The following MGMT variants were observed in gnomAD, a reference collection of about 807,000 sequenced individuals.
MGMT encodes the protein methylated-DNA--protein-cysteine methyltransferase.
In MGMT, 14 loss-of-function variants were observed where a neutral mutation model predicts 15.9. The observed-to-expected ratio is 0.88, with a 90% CI of 0.58 to 1.37. The LOEUF (loss-of-function observed/expected upper bound fraction) is 1.37, where lower values mean the gene tolerates loss of function less well. Ranked by LOEUF, MGMT falls within the 40% of genes most tolerant of loss-of-function variation. The pLI is 0.00. For missense variants in MGMT, 282 were observed against 268.1 expected, an observed-to-expected ratio of 1.05 and a Z score of -0.36; for synonymous variants, 130 against 118.2, an observed-to-expected ratio of 1.10 and a Z score of -0.65.
intron 1 of MGMT, among the ~76,000 whole-genome samples, chr10:129,486,064 A>C (rs1406347206): frequency 6.6e-6 from 1 of 151,962 alleles, no homozygotes; most frequent in African/African-American, 2.4e-5. Flanking sequence ...TAGCCTTTTT[A>C]ATTTTTTTTT....
At chr10:129,574,920 A>C (rs760411001) in intron 2 of MGMT, among the ~76,000 whole-genome samples, 5 of 152,174 alleles carry the variant, frequency 3.3e-5, no homozygotes, top group Non-Finnish European at 7.3e-5. Context: ...ATCTATTAAG[A>C]GGCAGGCTGT....
In MGMT at chr10:129,719,460, T is replaced by G. The variant is rs117476458; in HGVS notation, c.274+11417T>G. Among the ~76,000 whole-genome samples, 32 of 152,268 alleles carry G rather than the reference T, an allele frequency of 2.1e-4. No homozygotes were observed. In the East Asian group the frequency reaches 6.0e-3, roughly 28 times the overall value. On this transcript the variant is annotated intron_variant, in intron 3 of 4. Coordinates refer to ENST00000651593, the MANE Select transcript of MGMT (RefSeq NM_002412.5). The stretch of plus-strand genomic sequence containing the variant: ...ACTGGGGTCTTATACAACAGAAATC[T>G]TTCTCAGCTCTGGAGCCTGGAAGTC...
chr10:129,647,235 G>A (rs775877551), intron 2 of MGMT, among the ~76,000 whole-genome samples: 1 of 152,120 alleles, frequency 6.6e-6, no homozygotes, highest in Non-Finnish European at 1.5e-5. Context: ...CCCGCCCAGC[G>A]TTACAGGCAG....
chr10:129,484,913 T>C (rs955411617), intron 1 of MGMT, among the ~76,000 whole-genome samples: 11 of 152,018 alleles, frequency 7.2e-5, no homozygotes, highest in Non-Finnish European at 1.3e-4. Flanking sequence ...TGTGTATATA[T>C]GTATGTGTGT....
intron 1 of MGMT, among the ~76,000 whole-genome samples, chr10:129,506,006 A>ATTTTT (rs71478939): frequency 6.6e-4 from 88 of 132,536 alleles, no homozygotes; most frequent in African/African-American, 2.3e-3. Context: ...TGCAGTTGCT[A>ATTTTT]TTTTTTTTTT....
chr10:129,704,610 T>C (rs962603538), intron 2 of MGMT, among the ~76,000 whole-genome samples: 1 of 152,084 alleles, frequency 6.6e-6, no homozygotes, highest in Admixed American at 6.5e-5. Context: ...TGGTCACAGT[T>C]ATCCGTGGCT....
At chr10:129,671,676 CTG>C (rs1847725332) in intron 2 of MGMT, among the ~76,000 whole-genome samples, 1 of 152,166 alleles carries the variant, frequency 6.6e-6, no homozygotes, top group Non-Finnish European at 1.5e-5. Flanking sequence ...TTGTGTGTAA[CTG>C]TTACATTTTG....
chr10:129,550,392 C>T (rs1443976432), intron 2 of MGMT, among the ~76,000 whole-genome samples: 2 of 151,712 alleles, frequency 1.3e-5, no homozygotes, highest in Middle Eastern at 3.4e-3. Context: ...GAATGTTTCA[C>T]AGTGTTCCGC....
chr10:129,584,474 A>C (rs1236591339), intron 2 of MGMT, among the ~76,000 whole-genome samples: 1 of 151,784 alleles, frequency 6.6e-6, no homozygotes, highest in Non-Finnish European at 1.5e-5. Flanking sequence ...CCTGAGATAC[A>C]TTTTACATAC....
chr10:129,487,914 T>G lies in MGMT; in HGVS notation c.-13+20618T>G, dbSNP rs1037652027. ...TGTGTATATATATACCATATAGGGG[T>G]GTGTGTGTGTGTGTGTGTGTGTATA... On this transcript the variant is annotated intron_variant, in intron 1 of 4. Coordinates refer to ENST00000651593, the MANE Select transcript of MGMT (RefSeq NM_002412.5). 3.3e-4 allele frequency among the ~76,000 whole-genome samples: 42 copies of G among 125,484 alleles called. 1 individual carries two copies. Among genetic ancestry groups the G allele is most frequent in the Admixed American group, 7.2e-4 (9 of 12,448 alleles). 82.3% of individuals were successfully genotyped at this position (125,484 alleles called of 152,430 possible).
chr10:129,649,213 G>A (rs1316419432), intron 2 of MGMT, among the ~76,000 whole-genome samples: 1 of 152,162 alleles, frequency 6.6e-6, no homozygotes, highest in Admixed American at 6.5e-5. Context: ...TTATCTGTTT[G>A]AGTTTTTGCA....
At chr10:129,552,772 A>T (rs1047683715) in intron 2 of MGMT, among the ~76,000 whole-genome samples, 2 of 152,218 alleles carry the variant, frequency 1.3e-5, no homozygotes, top group Non-Finnish European at 2.9e-5. Context: ...AGGACTGGGC[A>T]CAGCTGCCAG....
chr10:129,748,151 T>G (rs967011507), intron 3 of MGMT, among the ~76,000 whole-genome samples: 1 of 152,214 alleles, frequency 6.6e-6, no homozygotes, highest in African/African-American at 2.4e-5. Context: ...TTACGCTCCT[T>G]GAAGACAGAG....
chr10:129,667,079 A>C (rs940599457), intron 2 of MGMT, among the ~76,000 whole-genome samples: 2 of 152,154 alleles, frequency 1.3e-5, no homozygotes, highest in Non-Finnish European at 2.9e-5. Context: ...CATTGTTTCT[A>C]ACCATTTTTG....
rs140197799 is a variant in MGMT, at chr10:129,721,287, C to G, written c.274+13244C>G. Reference sequence around the variant, plus strand: ...TAGGTTGTGTGCCCTAGTGCTCCAGCTGGCTGGAATTCATGGGCGGAGTTC... The same window carrying G: ...TAGGTTGTGTGCCCTAGTGCTCCAGGTGGCTGGAATTCATGGGCGGAGTTC... On this transcript the variant is annotated intron_variant, in intron 3 of 4. Transcript: ENST00000651593. 9.3e-4 allele frequency among the ~76,000 whole-genome samples: 142 copies of G among 152,382 alleles called. 1 individual carries two copies. The East Asian group carries it at 0.026, about 28-fold the overall frequency.
At chr10:129,673,762 T>C (rs536463755) in intron 2 of MGMT, among the ~76,000 whole-genome samples, 1 of 152,238 alleles carries the variant, frequency 6.6e-6, no homozygotes, top group African/African-American at 2.4e-5. Context: ...TTTTGGATCA[T>C]ATGAAACTAT....
intron 2 of MGMT, chr10:129,700,795 A>T (rs1358112704): frequency 6.6e-6 from 1 of 152,228 alleles, no homozygotes; most frequent in Non-Finnish European, 1.5e-5. Context: ...TTTAGCAGGA[A>T]GTTATAATTA....
intron 1 of MGMT, among the ~76,000 whole-genome samples, chr10:129,503,816 CT>C (rs1845598862): frequency 1.3e-5 from 2 of 152,206 alleles, no homozygotes; most frequent in Non-Finnish European, 2.9e-5. Flanking sequence ...AGCAATGCCC[CT>C]GGTCTTAATG....
intron 2 of MGMT, among the ~76,000 whole-genome samples, chr10:129,631,560 C>T (rs914388703): frequency 3.3e-5 from 5 of 152,200 alleles, no homozygotes; most frequent in East Asian, 3.9e-4. Context: ...TGGTGGCTCA[C>T]GCCGGTAATC....
Sources: gnomAD v4.1 joint callset for allele counts (sites outside exome capture counted in the v4.1 genomes callset) on GRCh38, gnomAD v4.1.1 for gene constraint, MANE v1.5 for transcripts, NCBI Gene and HGNC (gene_info 2026-07-23, HGNC 2026-07-21) for gene names.